Variants in ZNF536 observed in about 807,000 individuals in gnomAD.
ZNF536 encodes zinc finger protein 536.
In ZNF536, 13 loss-of-function variants were observed where a neutral mutation model predicts 84.5. That is an observed-to-expected ratio of 0.15 (90% confidence interval 0.10 to 0.24). ZNF536 has a LOEUF of 0.24. Ranked by LOEUF, ZNF536 falls within the 10% of genes least tolerant of loss-of-function variation. ZNF536 has a pLI of 1.00. For missense variants in ZNF536, 1,536 were observed against 1,747.5 expected, an observed-to-expected ratio of 0.88 and a Z score of 2.16; for synonymous variants, 811 against 742.5, an observed-to-expected ratio of 1.09 and a Z score of -1.50.
chr19:30,444,768 G>A lies in ZNF536; in HGVS notation c.1206G>A (p.Lys402=), dbSNP rs2052233007. Reference sequence around the variant, plus strand: ...TCCACCTCAACAAGCTGTCGGTGAAGAACAAGTCCCCCAGCGACCCCGAGG... The same window carrying A: ...TCCACCTCAACAAGCTGTCGGTGAAAAACAAGTCCCCCAGCGACCCCGAGG... ...MKVHLNKLSV[K]NKSPSDPEVP... Residue 402 remains lysine, a synonymous_variant, in exon 2 of 5, where the codon AAG becomes AAA. Transcript: ENST00000355537. 3.7e-6 allele frequency: 6 copies of A among 1,614,018 alleles called. No homozygotes were observed. Among genetic ancestry groups the A allele is most frequent in the Non-Finnish European group, 5.1e-6 (6 of 1,180,042 alleles).
intron 2 of ZNF536, among the ~76,000 whole-genome samples, chr19:30,313,903 C>T (rs2046590319): frequency 1.3e-5 from 2 of 152,222 alleles, no homozygotes; most frequent in South Asian, 2.1e-4. Context: ...CCTCGCTCCG[C>T]ACTATGCGGA....
intron 1 of ZNF536, among the ~76,000 whole-genome samples, chr19:30,261,005 A>G (rs1347072985): frequency 6.6e-6 from 1 of 152,168 alleles, no homozygotes; most frequent in East Asian, 1.9e-4. Context: ...CTATTAGAAA[A>G]ATATAACTAG....
At chr19:30,613,361 T>A (rs2048169544) in intron 1 of ZNF536, among the ~76,000 whole-genome samples, 1 of 152,262 alleles carries the variant, frequency 6.6e-6, no homozygotes, top group African/African-American at 2.4e-5. Flanking sequence ...ACAATTATTA[T>A]GATGATAGTC....
intron 2 of ZNF536, among the ~76,000 whole-genome samples, chr19:30,349,036 G>A (rs1205652728): frequency 6.6e-6 from 1 of 152,162 alleles, no homozygotes; most frequent in Non-Finnish European, 1.5e-5. Context: ...TCCACCAAAT[G>A]AGTGAGGATG....
intron 1 of ZNF536, among the ~76,000 whole-genome samples, chr19:30,703,118 G>A (rs1489387251): frequency 2.0e-5 from 3 of 152,294 alleles, no homozygotes; most frequent in African/African-American, 7.2e-5. Context: ...GGATGAGTTT[G>A]CAGGAGTTGG....
At chr19:30,259,355 A>G (rs944471363) in intron 1 of ZNF536, among the ~76,000 whole-genome samples, 1 of 152,218 alleles carries the variant, frequency 6.6e-6, no homozygotes, top group Non-Finnish European at 1.5e-5. Flanking sequence ...TTTCCCTTAC[A>G]GAAAAAGAAT....
At chr19:30,605,846 C>G (rs1340466059) in intron 1 of ZNF536, among the ~76,000 whole-genome samples, 2 of 152,138 alleles carry the variant, frequency 1.3e-5, no homozygotes, top group African/African-American at 4.8e-5. Flanking sequence ...CACACAGATT[C>G]CCATCTTCCT....
chr19:30,635,928 C>A (rs1203139458), intron 1 of ZNF536, among the ~76,000 whole-genome samples: 8 of 152,212 alleles, frequency 5.3e-5, no homozygotes, highest in African/African-American at 1.7e-4. Flanking sequence ...GCTGCAGGCT[C>A]TCCCCGGGTA....
intron 2 of ZNF536, among the ~76,000 whole-genome samples, chr19:30,510,951 G>A (rs1408383179): frequency 6.6e-6 from 1 of 152,202 alleles, no homozygotes; most frequent in Non-Finnish European, 1.5e-5. Context: ...GGCGTAGAGT[G>A]GGGATGGATA....
chr19:30,652,878 G>C (rs1334472653), intron 1 of ZNF536, among the ~76,000 whole-genome samples: 2 of 152,156 alleles, frequency 1.3e-5, no homozygotes, highest in Admixed American at 1.3e-4. Context: ...GCCAGAGAGG[G>C]ATTATTCTGG....
chr19:30,494,872 G>A (rs1699961846), intron 2 of ZNF536, among the ~76,000 whole-genome samples: 1 of 151,152 alleles, frequency 6.6e-6, no homozygotes, highest in Non-Finnish European at 1.5e-5. Context: ...CCTGAACCTG[G>A]GAGGTGGAGG....
At chr19:30,413,915 C>T (rs1009006946) in intron 1 of ZNF536, among the ~76,000 whole-genome samples, 1 of 151,706 alleles carries the variant, frequency 6.6e-6, no homozygotes, top group Admixed American at 6.6e-5. Flanking sequence ...CATGGTGAAA[C>T]CCCCTGTCTC....
At chr19:30,619,093 G>A (rs1022719672) in intron 1 of ZNF536, among the ~76,000 whole-genome samples, 3 of 151,994 alleles carry the variant, frequency 2.0e-5, no homozygotes, top group South Asian at 2.1e-4. Context: ...TACCCACCAC[G>A]TAATTTCTCA....
chr19:30,631,747 C>T (rs374003227), intron 1 of ZNF536, among the ~76,000 whole-genome samples: 145 of 152,258 alleles, frequency 9.5e-4, no homozygotes, highest in African/African-American at 3.3e-3. Context: ...ACTGCTTCTG[C>T]GCTAACCCAA....
At chr19:30,325,302 C>A (rs1276597821) in intron 2 of ZNF536, among the ~76,000 whole-genome samples, 1 of 152,212 alleles carries the variant, frequency 6.6e-6, no homozygotes, top group African/African-American at 2.4e-5. Context: ...GGCCAGTTCT[C>A]CCCCTCAGCC....
At chr19:30,483,293 C>T (rs897461019) in intron 2 of ZNF536, among the ~76,000 whole-genome samples, 4 of 152,168 alleles carry the variant, frequency 2.6e-5, no homozygotes, top group Admixed American at 2.6e-4. Flanking sequence ...GTCAGCTGGC[C>T]TCCCGGAAAA....
intron 1 of ZNF536, among the ~76,000 whole-genome samples, chr19:30,415,579 C>G (rs2050694369): frequency 7.4e-6 from 1 of 134,994 alleles, no homozygotes; most frequent in Admixed American, 8.5e-5. Flanking sequence ...TCATCATGAT[C>G]ATCATCATCG....
intron 1 of ZNF536, among the ~76,000 whole-genome samples, chr19:30,378,018 C>T (rs1469619745): frequency 6.6e-6 from 1 of 152,168 alleles, no homozygotes; most frequent in Non-Finnish European, 1.5e-5. Context: ...ATCTTGTGCC[C>T]CTGAACAAGT....
At chr19:30,626,813 G>A (rs1300728205) in intron 1 of ZNF536, among the ~76,000 whole-genome samples, 1 of 152,212 alleles carries the variant, frequency 6.6e-6, no homozygotes, top group Non-Finnish European at 1.5e-5. Flanking sequence ...TAGGGATCCC[G>A]GCCAGCGGCA....
Sources: allele counts gnomAD v4.1 joint callset (sites outside exome capture counted in the v4.1 genomes callset), GRCh38; gene constraint gnomAD v4.1.1; transcripts MANE v1.5; gene names NCBI Gene and HGNC (gene_info 2026-07-23, HGNC 2026-07-21).